The following PIN1 variants were observed in gnomAD, a reference collection of about 807,000 sequenced individuals.
PIN1 encodes peptidyl-prolyl cis-trans isomerase NIMA-interacting 1.
A neutral mutation model predicts 19.9 loss-of-function variants in PIN1; 8 were observed. The ratio of observed to expected loss-of-function variants is 0.40; its 90% confidence interval spans 0.24 to 0.72. The LOEUF is 0.72. Among genes scored for constraint, PIN1 ranks in the 30% least tolerant of loss-of-function variants. The pLI is 0.37. For synonymous variants in PIN1, 86 were observed against 90.8 expected (o/e 0.95, Z 0.30); for missense variants, 185 against 226.5 (o/e 0.82, Z 1.18).
rs535169439 is a variant in PIN1, at chr19:9,843,769, C to T, written c.272-4261C>T. 2.0e-3 allele frequency among the ~76,000 whole-genome samples: 305 copies of T among 152,320 alleles called. 2 individuals are homozygous for T. The highest frequency in any genetic ancestry group is 7.0e-3 in the African/African-American group (290 of 41,572). ...CTCTTATAAGGACACTAATCCTGGC[C>T]AGGCGCAGTGGCTCATGCCTGTAAT... On this transcript the variant is annotated intron_variant, in intron 2 of 3. Transcript: ENST00000247970.
At position 9,846,235 on chromosome 19, in the gene PIN1, A is replaced by G. The variant is rs567869804; in HGVS notation, c.272-1795A>G. On this transcript the variant is annotated intron_variant, in intron 2 of 3. Transcript: ENST00000247970. This position sits in a 1 kb window ranked among gnomAD's most constrained non-coding sequence, Gnocchi z 5.9. The stretch of plus-strand genomic sequence containing the variant: ...ATCCCAACAGAAGCTGGGGCCCTGT[A>G]TGGCATCGATGTCCCTGTCAGACCA... Among the ~76,000 whole-genome samples the G allele has an allele frequency of 6.6e-6, 1 of 152,300 alleles. No homozygotes were observed. Among genetic ancestry groups the G allele is most frequent in the African/African-American group, 2.4e-5 (1 of 41,566 alleles).
At chr19:9,843,567 C>T (rs1031754541) in intron 2 of PIN1, among the ~76,000 whole-genome samples, 1 of 152,252 alleles carries the variant, frequency 6.6e-6, no homozygotes, top group Non-Finnish European at 1.5e-5. Flanking sequence ...GCTTAAACAA[C>T]AGTCATCACT....
At chr19:9,844,751 T>A (rs2046202806) in intron 2 of PIN1, among the ~76,000 whole-genome samples, 1 of 152,122 alleles carries the variant, frequency 6.6e-6, no homozygotes, top group Non-Finnish European at 1.5e-5. Flanking sequence ...GGCCTTAGGG[T>A]CGCAGCCTGA....
chr19:9,841,091 A>G (rs2046161380), intron 2 of PIN1, among the ~76,000 whole-genome samples: 2 of 152,010 alleles, frequency 1.3e-5, no homozygotes, highest in African/African-American at 4.8e-5. Flanking sequence ...CAGAGTGTAC[A>G]CTCGGTCAGT....
intron 2 of PIN1, among the ~76,000 whole-genome samples, chr19:9,839,302 C>T (rs1019757958): frequency 9.2e-5 from 14 of 151,686 alleles, no homozygotes; most frequent in African/African-American, 2.9e-4. Flanking sequence ...GATGTGTTGA[C>T]GCATGCCTGT....
Position 9,835,396 on chromosome 19 carries a change from A to G in PIN1, c.52A>G (p.Ser18Gly). 1 of 1,503,250 alleles carries G rather than the reference A, an allele frequency of 6.7e-7. No homozygotes were observed. The highest frequency in any genetic ancestry group is 8.9e-7 in the Non-Finnish European group (1 of 1,129,596). 93.1% of individuals were successfully genotyped at this position (1,503,250 alleles called of 1,614,324 possible). The change falls in exon 1 of 4, where the codon AGC becomes GGC. Residue 18 changes from serine (S) to glycine (G), a missense_variant. Physicochemically the swap from Ser to Gly is moderately conservative, Grantham distance 56. Transcript: ENST00000247970. ...CGGCTGGGAGAAGCGCATGAGCCGC[A>G]GCTCAGGTGCCGCGGGGGTCGGGGC... ...PPGWEKRMSR[S>G]SGRVYYFNHI... is the part of the protein sequence containing the mutation.
rs750853851 is a variant in PIN1, at chr19:9,848,973, G to A, written c.383-117G>A. On this transcript the variant is annotated intron_variant, in intron 3 of 3. Transcript: ENST00000247970. The stretch of plus-strand genomic sequence containing the variant: ...AACATGGTGACGGATGAGTGTGGAC[G>A]AGTGTGAGGCTCAGCGCAGGCAGGA... 4.4e-5 allele frequency: 30 copies of A among 684,246 alleles called. 1 individual carries two copies. The highest frequency in any genetic ancestry group is 6.3e-5 in the Non-Finnish European group (24 of 379,702). 42.4% of individuals were successfully genotyped at this position (684,246 alleles called of 1,614,324 possible).
Position 9,849,680 on chromosome 19 carries a change from A to T in PIN1, c.*481A>T. 2.0e-6 allele frequency: 1 copy of T among 501,116 alleles called. No homozygotes were observed. The allele number at this position is 501,116 out of a possible 1,614,324, so 31.0% of individuals were successfully genotyped here. A position where few individuals can be genotyped will look rare whatever the true frequency, so the allele number is the denominator to read the frequency against. On this transcript the variant is annotated 3_prime_UTR_variant, in exon 4 of 4. Coordinates refer to ENST00000247970, the MANE Select transcript of PIN1 (RefSeq NM_006221.4). ...TTCACCCCCAATTAAACCCAGAACCACTGCTCTGCTCTCCTGTGTCTCATT... is the reference window on the plus strand; with the variant it reads ...TTCACCCCCAATTAAACCCAGAACCTCTGCTCTGCTCTCCTGTGTCTCATT...
chr19:9,843,873 C>T (rs1191694075), intron 2 of PIN1, among the ~76,000 whole-genome samples: 1 of 152,074 alleles, frequency 6.6e-6, no homozygotes, highest in Non-Finnish European at 1.5e-5. Context: ...CATGGTAAAA[C>T]TCCATCTCTA....
chr19:9,842,128 G>A (rs2046173111), intron 2 of PIN1, among the ~76,000 whole-genome samples: 1 of 152,244 alleles, frequency 6.6e-6, no homozygotes. Flanking sequence ...GGTGGAAGCT[G>A]TGGGAGGAAT....
rs138056875 is a variant in PIN1 at position 9,848,128 on chromosome 19, G to A, written c.370G>A (p.Ala124Thr). 7 of 1,604,038 alleles carry A rather than the reference G, an allele frequency of 4.4e-6. No individual in the cohort carries two copies. The East Asian group carries it at 1.6e-4, about 36-fold the overall frequency. Residue 124 changes from alanine (A) to threonine (T), a missense_variant, in exon 3 of 4, where the codon GCC (alanine) becomes ACC (threonine). Coordinates refer to ENST00000247970, the MANE Select transcript of PIN1 (RefSeq NM_006221.4). ...AGCCAAGGCCAGGGGAGACCTGGGT[G>A]CCTTCAGCAGAGGTGCGCAAGGAAT... is the stretch of plus-strand genomic sequence containing the variant. Reference protein sequence around the residue: ...SSAKARGDLGAFSRGQMQKPF... With the variant: ...SSAKARGDLGTFSRGQMQKPF...
intron 2 of PIN1, among the ~76,000 whole-genome samples, chr19:9,840,455 T>TC (rs1282570619): frequency 2.6e-5 from 4 of 152,208 alleles, no homozygotes; most frequent in African/African-American, 4.8e-5. Context: ...CTGATGCCTT[T>TC]CTCAGAGTCC....
chr19:9,843,121 C>T (rs1457708820), intron 2 of PIN1, among the ~76,000 whole-genome samples: 13 of 152,262 alleles, frequency 8.5e-5, no homozygotes, highest in Admixed American at 8.5e-4. Flanking sequence ...GCTCTCCACC[C>T]AGATCTGTTG....
In PIN1 at chr19:9,838,279, C is replaced by T. The variant is rs1205594600; in HGVS notation, c.59-157C>T. On this transcript the variant is annotated intron_variant, in intron 1 of 3. Transcript: ENST00000247970. This position sits in a 1 kb window ranked among gnomAD's most constrained non-coding sequence, Gnocchi z 5.8. ...GACTGTATCCTGCCACATTGGCCCA[C>T]GTCTGGAGAGCCTGTGGCACATGGT... 5.7e-6 allele frequency: 4 copies of T among 704,862 alleles called. No homozygotes were observed. The highest frequency in any genetic ancestry group is 1.5e-5 in the South Asian group (1 of 65,258). 43.7% of individuals were successfully genotyped at this position (704,862 alleles called of 1,614,324 possible).
rs1200047984 is a variant in PIN1 at position 9,838,629 on chromosome 19, G to A, written c.252G>A (p.Glu84=). The A allele has an allele frequency of 1.3e-6, 2 of 1,546,608 alleles. No homozygotes were observed. The highest frequency in any genetic ancestry group is 2.0e-5 in the Admixed American group (1 of 51,018). Residue 84 remains glutamate, a synonymous_variant, in exon 2 of 4, where the codon GAG becomes GAA. Transcript: ENST00000247970. This position sits in a 1 kb window ranked among gnomAD's most constrained non-coding sequence, Gnocchi z 5.8. ...AGAAGATCACCCGGACCAAGGAGGA[G>A]GCCCTGGAGCTGATCAACGGTGAGC... ...RQEKITRTKE[E]ALELINGYIQ... is the part of the protein sequence containing the mutation.
chr19:9,841,185 C>T (rs955341371), intron 2 of PIN1, among the ~76,000 whole-genome samples: 1 of 152,184 alleles, frequency 6.6e-6, no homozygotes, highest in African/African-American at 2.4e-5. Flanking sequence ...AACATGGCAT[C>T]TAGGACAGTA....
chr19:9,840,706 C>T (rs2046157427), intron 2 of PIN1, among the ~76,000 whole-genome samples: 2 of 152,300 alleles, frequency 1.3e-5, no homozygotes, highest in Admixed American at 1.3e-4. Context: ...AGGTGATCCT[C>T]CCACCTCAGC....
intron 1 of PIN1, chr19:9,837,625 C>T (rs1474364522): frequency 6.4e-6 from 1 of 155,420 alleles, no homozygotes; most frequent in African/African-American, 2.4e-5. Flanking sequence ...CAACGCCCGG[C>T]TAATGTTGGT....
intron 2 of PIN1, among the ~76,000 whole-genome samples, chr19:9,839,016 G>A (rs959633174): frequency 5.9e-5 from 9 of 152,158 alleles, no homozygotes; most frequent in African/African-American, 2.2e-4. Flanking sequence ...AAGGTTCAAG[G>A]GAATAAGGCA....
Sources: gnomAD v4.1 joint callset for allele counts (sites outside exome capture counted in the v4.1 genomes callset) on GRCh38, gnomAD v4.1.1 for gene constraint, Gnocchi (gnomAD v3.1) non-coding constraint, MANE v1.5 for transcripts, NCBI Gene and HGNC (gene_info 2026-07-23, HGNC 2026-07-21) for gene names.